The following MME variants were observed in gnomAD, a reference collection of about 807,000 sequenced individuals.
MME encodes the protein neprilysin.
In MME, 98 loss-of-function variants were observed where a neutral mutation model predicts 113.2. The ratio of observed to expected loss-of-function variants is 0.87; its 90% CI spans 0.74 to 1.02. MME has a LOEUF of 1.02. Ranked by LOEUF, MME falls within the 50% of genes least tolerant of loss-of-function variation. The pLI is 0.00. For synonymous variants in MME, 292 were observed against 300.6 expected (o/e 0.97, Z 0.30); for missense variants, 836 against 896.0 (o/e 0.93, Z 0.86).
chr3:155,092,191 T>C (rs1489025774), intron 3 of MME, among the ~76,000 whole-genome samples: 1 of 152,186 alleles, frequency 6.6e-6, no homozygotes, highest in Non-Finnish European at 1.5e-5. Context: ...ATGCCACTCT[T>C]TTCCATAAAC....
intron 16 of MME, among the ~76,000 whole-genome samples, chr3:155,155,783 C>T (rs948185240): frequency 2.6e-5 from 4 of 152,140 alleles, no homozygotes; most frequent in African/African-American, 9.7e-5. Context: ...ATCCACCCAC[C>T]CAAGTGTCTC....
chr3:155,075,298 T>C (rs956280311), upstream of MME, among the ~76,000 whole-genome samples: 28 of 152,150 alleles, frequency 1.8e-4, no homozygotes, highest in African/African-American at 6.5e-4. Flanking sequence ...TACTTTCAAC[T>C]ATGCTATAGC....
rs777873470 is a variant in MME at position 155,138,186 on chromosome 3, C to G, written c.805C>G (p.Leu269Val). 1 of 1,613,622 alleles carries G rather than the reference C, an allele frequency of 6.2e-7. No homozygotes were observed. Among genetic ancestry groups the G allele is most frequent in the East Asian group, 2.2e-5 (1 of 44,824 alleles). ...AAGATTGCCCATCGATGAAAACCAG[C>G]TTGCTTTGGAAATGAATAAAGTTAT... ...EERLPIDENQ[L>V]ALEMNKVMEL... Residue 269 changes from leucine (L) to valine (V), a missense_variant, in exon 9 of 23, where the codon CTT becomes GTT. Coordinates refer to ENST00000360490, the MANE Select transcript of MME (RefSeq NM_007289.4).
Position 155,169,017 on chromosome 3 carries a change from A to T in MME, c.1980+220A>T, listed in dbSNP as rs112453864. 1.2e-3 allele frequency: 623 copies of T among 514,714 alleles called. 4 individuals carry two copies. The highest frequency in any genetic ancestry group is 0.011 in the African/African-American group (552 of 52,272). The allele number at this position is 514,714 out of a possible 1,614,324, so 31.9% of individuals were successfully genotyped here. A position where few individuals can be genotyped will look rare whatever the true frequency, so the allele number is the denominator to read the frequency against. On this transcript the variant is annotated intron_variant, in intron 20 of 22. Coordinates refer to ENST00000360490, the MANE Select transcript of MME (RefSeq NM_007289.4). ...GAACACTTAAGTTTGCAAAGAGCCA[A>T]GAAGAAGAGAAAATATGGAATATTA...
At chr3:155,060,829 CAGAGAGAGAGAGAGAGAGAG>C (rs138935329) in intron 1 of MME, among the ~76,000 whole-genome samples, 2 of 137,674 alleles carry the variant, frequency 1.5e-5, no homozygotes, top group Admixed American at 7.3e-5. Context: ...TGCAGAGAGG[CAGAGAGAGAGAGAGAGAGAG>C]AGAGAGAGAG....
chr3:155,115,035 TG>T lies in MME; in HGVS notation c.239del (p.Cys80LeufsTer13). 6.2e-7 allele frequency: 1 copy of T among 1,614,116 alleles called. No homozygotes were observed. ...IQNMDATTEP[C>X]TDFFKYACGG... ...AAACATGGATGCCACCACTGAGCCT[TG>T]TACAGACTTTTTCAAATATGCTTGC... is the stretch of plus-strand genomic sequence containing the variant. On this transcript the variant is annotated frameshift_variant, in exon 4 of 23. Transcript: ENST00000360490. LOFTEE classifies it high-confidence loss of function.
chr3:155,038,104 A>G (rs1409690803), intron 1 of MME, among the ~76,000 whole-genome samples: 1 of 152,164 alleles, frequency 6.6e-6, no homozygotes, highest in East Asian at 1.9e-4. Flanking sequence ...ACCTAGTGCC[A>G]TATGTTTTTC....
intron 1 of MME, among the ~76,000 whole-genome samples, chr3:155,049,816 C>T (rs1423869833): frequency 6.6e-6 from 1 of 151,848 alleles, no homozygotes; most frequent in African/African-American, 2.4e-5. Context: ...TTGTTTTTAC[C>T]TTATTTTGTT....
chr3:155,164,929 T>C (rs193131684), intron 17 of MME, among the ~76,000 whole-genome samples: 1 of 152,324 alleles, frequency 6.6e-6, no homozygotes, highest in East Asian at 1.9e-4. Flanking sequence ...TTTTGAAGTC[T>C]TCTCTGTAAA....
chr3:155,116,196 T>A (rs1471510226), intron 4 of MME, among the ~76,000 whole-genome samples: 16 of 145,278 alleles, frequency 1.1e-4, no homozygotes, highest in Non-Finnish European at 7.5e-5. Context: ...TCACTGTTCA[T>A]AAAAAAAAAA....
rs1712038400 is a variant in MME, at chr3:155,172,155, A to G, written c.2019A>G (p.Lys673=). The G allele has an allele frequency of 6.2e-7, 1 of 1,611,690 alleles. No individual in the cohort carries two copies. The highest frequency in any genetic ancestry group is 1.1e-5 in the South Asian group (1 of 91,038). The change falls in exon 21 of 23, where the codon AAA becomes AAG. Residue 673 remains lysine, a synonymous_variant. Transcript: ENST00000360490. ...QNYIKKNGEE[K]LLPGLDLNHK... is the part of the protein sequence containing the mutation. Reference sequence around the variant, plus strand: ...ATATTAAAAAGAATGGCGAAGAAAAATTACTTCCTGGACTTGACCTAAATC... The same window carrying G: ...ATATTAAAAAGAATGGCGAAGAAAAGTTACTTCCTGGACTTGACCTAAATC...
At chr3:155,151,193 C>T (rs1163511419) in intron 16 of MME, among the ~76,000 whole-genome samples, 1 of 152,142 alleles carries the variant, frequency 6.6e-6, no homozygotes, top group African/African-American at 2.4e-5. Context: ...TACTTGTCCA[C>T]ATAGCCCGTA....
At chr3:155,141,330 G>A (rs1452364705) in intron 10 of MME, among the ~76,000 whole-genome samples, 1 of 152,182 alleles carries the variant, frequency 6.6e-6, no homozygotes, top group Non-Finnish European at 1.5e-5. Context: ...AGTAAGTGAT[G>A]TGTGCTTGTG....
rs978538570 is a variant in MME at position 155,067,913 on chromosome 3, A to T, written c.-10-16245A>T. ...AACATTACTGCCACAGGATTCGGCTATTGCACTCCTAGATATTTACCTAGG... is the reference window on the plus strand; with the variant it reads ...AACATTACTGCCACAGGATTCGGCTTTTGCACTCCTAGATATTTACCTAGG... On this transcript the variant is annotated intron_variant, in intron 1 of 22. Coordinates refer to the MME transcript ENST00000492661. Among the ~76,000 whole-genome samples the T allele has an allele frequency of 3.9e-5, 6 of 152,282 alleles. No homozygotes were observed. In the South Asian group the frequency reaches 1.3e-3, roughly 32 times the overall value.
chr3:155,084,135 A>G (rs61762318), intron 1 of MME, 23 bp from the exon 2 acceptor site: 50 of 1,572,758 alleles, frequency 3.2e-5, no homozygotes, highest in Non-Finnish European at 4.1e-5. Flanking sequence ...GTTTTTCATT[A>G]TTAGTATTTT....
intron 16 of MME, among the ~76,000 whole-genome samples, chr3:155,157,526 T>G (rs1470213033): frequency 6.6e-6 from 1 of 152,196 alleles, no homozygotes; most frequent in Non-Finnish European, 1.5e-5. Context: ...CAAAAGAACT[T>G]ACAGTTTTTG....
intron 16 of MME, chr3:155,158,902 G>A (rs925199959): frequency 2.0e-5 from 3 of 151,838 alleles, no homozygotes; most frequent in South Asian, 2.1e-4. Context: ...ATGCTTTCTC[G>A]ATTTAAAACA....
intron 16 of MME, among the ~76,000 whole-genome samples, chr3:155,151,699 A>G (rs1023438922): frequency 1.3e-5 from 2 of 152,182 alleles, no homozygotes; most frequent in African/African-American, 4.8e-5. Flanking sequence ...ACTCATTTTA[A>G]TCATCCTAGA....
intron 1 of MME, among the ~76,000 whole-genome samples, chr3:155,030,025 A>G (rs1031962605): frequency 3.3e-5 from 5 of 152,122 alleles, no homozygotes; most frequent in Non-Finnish European, 4.4e-5. Context: ...AGCAATTGTT[A>G]GTTAGGCAAT....
Sources: gnomAD v4.1 joint callset for allele counts (sites outside exome capture counted in the v4.1 genomes callset) on GRCh38, gnomAD v4.1.1 for gene constraint, MANE v1.5 for transcripts, NCBI Gene and HGNC (gene_info 2026-07-23, HGNC 2026-07-21) for gene names.